GALNT3: variants seen among roughly 807,000 people sequenced by gnomAD.
The protein encoded by GALNT3 is polypeptide N-acetylgalactosaminyltransferase 3.
In GALNT3, 51 loss-of-function variants were observed where a neutral mutation model predicts 69.8. The ratio of observed to expected loss-of-function variants is 0.73; its 90% CI spans 0.58 to 0.92. GALNT3 has a LOEUF of 0.92. Among genes scored for constraint, GALNT3 ranks in the 40% least tolerant of loss-of-function variants. GALNT3 has a pLI of 0.00. For missense variants in GALNT3, 711 were observed against 760.0 expected, an observed-to-expected ratio of 0.94 and a Z score of 0.76; for synonymous variants, 265 against 248.5, an observed-to-expected ratio of 1.07 and a Z score of -0.63.
chr2:165,756,986 A>T, intron 7 of GALNT3, 61 bp downstream of exon 7: 1 of 1,328,634 alleles, frequency 7.5e-7, no homozygotes, highest in Non-Finnish European at 1.1e-6. Flanking sequence ...GAATCGACGC[A>T]AAAGGACGTG....
chr2:165,783,744 T>C (rs1683162556), intron 1 of GALNT3, among the ~76,000 whole-genome samples: 1 of 152,184 alleles, frequency 6.6e-6, no homozygotes, highest in East Asian at 1.9e-4. Flanking sequence ...AACTATAGTT[T>C]ACTAACCCCT....
chr2:165,751,828 A>C (rs1269099219), intron 9 of GALNT3, among the ~76,000 whole-genome samples: 1 of 152,190 alleles, frequency 6.6e-6, no homozygotes, highest in Non-Finnish European at 1.5e-5. Flanking sequence ...ACATGAAAAA[A>C]TGATCAAGTT....
At chr2:165,764,814 A>G in intron 3 of GALNT3, 70 bp downstream of exon 3, 1 of 1,503,294 alleles carries the variant, frequency 6.7e-7, no homozygotes, top group Non-Finnish European at 9.3e-7. Context: ...AGAGTACCAC[A>G]TAACCAAGTA....
chr2:165,748,571 T>C lies in GALNT3; in HGVS notation c.*210A>G. 1 of 554,870 alleles carries C rather than the reference T, an allele frequency of 1.8e-6. No individual in the cohort carries two copies. The highest frequency in any genetic ancestry group is 3.2e-6 in the Non-Finnish European group (1 of 310,410). The allele number at this position is 554,870 out of a possible 1,614,324, so 34.4% of individuals were successfully genotyped here. A position where few individuals can be genotyped will look rare whatever the true frequency, so the allele number is the denominator to read the frequency against. On this transcript the variant is annotated 3_prime_UTR_variant, in exon 11 of 11. Transcript: ENST00000392701. ...TCCCCTACATCTGGACATTTTGAAA[T>C]AGTCTTTGGTATTACTAGTTATTGT...
At chr2:165,759,285 C>T (rs1428313036) in intron 5 of GALNT3, 51 bp downstream of exon 5, 1 of 1,396,616 alleles carries the variant, frequency 7.2e-7, no homozygotes, top group African/African-American at 1.4e-5. Context: ...TGTACATATT[C>T]AATGTATGGT....
intron 1 of GALNT3, among the ~76,000 whole-genome samples, chr2:165,783,840 G>A (rs1019937679): frequency 1.3e-5 from 2 of 151,958 alleles, no homozygotes; most frequent in African/African-American, 4.8e-5. Flanking sequence ...CACCTCCCCA[G>A]ATATAAAACA....
At chr2:165,757,371 A>G in intron 6 of GALNT3, 124 bp from the exon 7 acceptor site, 1 of 891,552 alleles carries the variant, frequency 1.1e-6, no homozygotes. Flanking sequence ...TATTACAAAT[A>G]GTCTCTGTCC....
At chr2:165,774,909 C>CTTTTTTTTTTTT (rs71031204) in intron 1 of GALNT3, among the ~76,000 whole-genome samples, 24 of 104,370 alleles carry the variant, frequency 2.3e-4, no homozygotes, top group East Asian at 2.9e-4. Context: ...CTTCTTCTCT[C>CTTTTTTTTTTTT]TTTTTTTTTT....
rs1558995518 is a variant in GALNT3 at position 165,757,057 on chromosome 2, A to G, written c.1382T>C (p.Ile461Thr). The change falls in exon 7 of 11, where the codon ATT (isoleucine) becomes ACT (threonine). Residue 461 changes from isoleucine to threonine, a missense_variant. Ile to Thr is a moderately conservative substitution (Grantham distance 89). Transcript: ENST00000392701. Reference sequence around the variant, plus strand: ...TTAGCTTTAACTTACTTGTTTAACAATTTTTGCTGCATCTGTATTTCTCCT... The same window carrying G: ...TTAGCTTTAACTTACTTGTTTAACAGTTTTTGCTGCATCTGTATTTCTCCT... ...FYRRNTDAAK[I>T]VKQKAFGDLS... The G allele has an allele frequency of 6.2e-7, 1 of 1,612,968 alleles. No homozygotes were observed. Among genetic ancestry groups the G allele is most frequent in the Non-Finnish European group, 8.5e-7 (1 of 1,179,104 alleles).
At chr2:165,761,314 C>T (rs1023204557) in intron 4 of GALNT3, among the ~76,000 whole-genome samples, 3 of 152,054 alleles carry the variant, frequency 2.0e-5, no homozygotes, top group Non-Finnish European at 4.4e-5. Context: ...CAGGTTCAAG[C>T]GATTCCCATT....
chr2:165,791,596 A>G (rs999637773), intron 1 of GALNT3, among the ~76,000 whole-genome samples: 4 of 152,148 alleles, frequency 2.6e-5, no homozygotes, highest in African/African-American at 9.7e-5. Context: ...GTTTAAAGAA[A>G]CTTAGTGTTA....
At chr2:165,793,525 C>A (rs1683396788) in intron 1 of GALNT3, among the ~76,000 whole-genome samples, 1 of 152,216 alleles carries the variant, frequency 6.6e-6, no homozygotes, top group African/African-American at 2.4e-5. Context: ...CAGCCTAGAA[C>A]TGTTTGGGGT....
At chr2:165,776,193 C>T (rs76216528) in intron 1 of GALNT3, among the ~76,000 whole-genome samples, 1,582 of 152,156 alleles carry the variant, frequency 0.01, 12 homozygotes, top group African/African-American at 0.025. Flanking sequence ...ATTTTTAATG[C>T]CTTTTTCCGG....
rs566681482 is a variant in GALNT3 at position 165,786,452 on chromosome 2, T to G, written c.-109+7563A>C. Among the ~76,000 whole-genome samples, 9 of 152,364 alleles carry G rather than the reference T, an allele frequency of 5.9e-5. No individual in the cohort carries two copies. The South Asian group carries it at 1.7e-3, about 28-fold the overall frequency. ...CACAACCCCTGTGGACACCAGCATC[T>G]GCAGATGTTCATGTCGCTTTTATAA... On this transcript the variant is annotated intron_variant, in intron 1 of 10. Coordinates refer to ENST00000392701, the MANE Select transcript of GALNT3 (RefSeq NM_004482.4).
chr2:165,767,936 C>T (rs1419011066), intron 2 of GALNT3, among the ~76,000 whole-genome samples: 1 of 130,790 alleles, frequency 7.6e-6, no homozygotes, highest in Non-Finnish European at 1.5e-5. Flanking sequence ...TGCAATGGTG[C>T]AATCTCGGCT....
rs767939917 is a variant in GALNT3, at chr2:165,755,020, C to A, written c.1436G>T (p.Arg479Leu). ...DLSKRFEIKH[R>L]LQCKNFTWYL... Reference sequence around the variant, plus strand: ...CCATGTAAAATTTTTACACTGAAGGCGGTGTTTTATTTCAAATCTTTTTGA... The same window carrying A: ...CCATGTAAAATTTTTACACTGAAGGAGGTGTTTTATTTCAAATCTTTTTGA... The change falls in exon 8 of 11, where the codon CGC becomes CTC. Residue 479 changes from arginine to leucine, a missense_variant. Coordinates refer to ENST00000392701, the MANE Select transcript of GALNT3 (RefSeq NM_004482.4). 3 of 1,611,796 alleles carry A rather than the reference C, an allele frequency of 1.9e-6. No homozygotes were observed. In the Admixed American group the frequency reaches 5.0e-5, roughly 27 times the overall value.
intron 1 of GALNT3, among the ~76,000 whole-genome samples, chr2:165,778,321 C>A (rs1683017975): frequency 6.6e-6 from 1 of 152,104 alleles, no homozygotes; most frequent in Admixed American, 6.5e-5. Context: ...GTATTCCCTG[C>A]CCCCCAGGTA....
chr2:165,775,251 A>G (rs1380807788), intron 1 of GALNT3, among the ~76,000 whole-genome samples: 3 of 151,910 alleles, frequency 2.0e-5, no homozygotes. Context: ...ATAAAAGGCG[A>G]TAAGAAAAAA....
intron 1 of GALNT3, among the ~76,000 whole-genome samples, chr2:165,779,452 C>T (rs924689215): frequency 1.3e-5 from 2 of 152,200 alleles, no homozygotes; most frequent in African/African-American, 4.8e-5. Context: ...TTCTATATTT[C>T]ACCTAACAAA....
Sources: allele counts gnomAD v4.1 joint callset (sites outside exome capture counted in the v4.1 genomes callset), GRCh38; gene constraint gnomAD v4.1.1; transcripts MANE v1.5; gene names NCBI Gene and HGNC (gene_info 2026-07-23, HGNC 2026-07-21).